BAZ2B: variants seen among roughly 807,000 people sequenced by gnomAD.
BAZ2B encodes bromodomain adjacent to zinc finger domain protein 2B.
In BAZ2B, 91 loss-of-function variants were observed where a neutral mutation model predicts 246.0. The observed-to-expected ratio is 0.37, with a 90% CI of 0.31 to 0.44. BAZ2B has a LOEUF of 0.44. Among genes scored for constraint, BAZ2B ranks in the 20% least tolerant of loss-of-function variants. BAZ2B has a pLI of 1.00. For missense variants in BAZ2B, 2,332 were observed against 2,533.7 expected, an observed-to-expected ratio of 0.92 and a Z score of 1.71; for synonymous variants, 855 against 860.0, an observed-to-expected ratio of 0.99 and a Z score of 0.10.
At chr2:159,621,755 T>G in the BAZ2B span, among the ~76,000 whole-genome samples, 1 of 152,152 alleles carries the variant, frequency 6.6e-6, no homozygotes, top group Non-Finnish European at 1.5e-5. Context: ...GAGGACTGTT[T>G]GAGCTTGGGA....
intron 1 of BAZ2B, among the ~76,000 whole-genome samples, chr2:159,605,062 A>T (rs1041888025): frequency 6.6e-6 from 1 of 151,902 alleles, no homozygotes; most frequent in African/African-American, 2.4e-5. Flanking sequence ...CAGAGACAGG[A>T]TCTCACTCTG....
chr2:159,665,725 G>A, the BAZ2B span, among the ~76,000 whole-genome samples: 104 of 150,904 alleles, frequency 6.9e-4, no homozygotes, highest in African/African-American at 2.0e-3. Flanking sequence ...AGATTTAAAC[G>A]TTAGACCTAA....
upstream of BAZ2B, chr2:159,616,735 T>G (rs1244548787): frequency 1.3e-5 from 2 of 152,218 alleles, no homozygotes; most frequent in Non-Finnish European, 2.9e-5. Context: ...GCTTTGAGTT[T>G]GCACCGTTCC....
chr2:159,401,585 T>C (rs1190088711), intron 16 of BAZ2B, among the ~76,000 whole-genome samples: 2 of 152,192 alleles, frequency 1.3e-5, no homozygotes, highest in Non-Finnish European at 2.9e-5. Flanking sequence ...AAATAACCTG[T>C]AACATTATTT....
intron 3 of BAZ2B, chr2:159,462,636 C>A (rs1342464904): frequency 2.1e-6 from 2 of 946,608 alleles, no homozygotes; most frequent in Non-Finnish European, 3.5e-6. Context: ...TTATGACTAA[C>A]CAACTGAACA....
chr2:159,395,934 T>A, intron 19 of BAZ2B, 100 bp from the exon 20 acceptor site: 1 of 951,564 alleles, frequency 1.1e-6, no homozygotes. Context: ...AAACTCAGTA[T>A]AGCATGTTTA....
the BAZ2B span, among the ~76,000 whole-genome samples, chr2:159,681,900 G>C: frequency 2.0e-5 from 3 of 152,006 alleles, no homozygotes; most frequent in African/African-American, 7.2e-5. Context: ...ACTCCTGCCT[G>C]GGCAACAGAG....
chr2:159,391,773 C>A (rs1399533899), intron 20 of BAZ2B, among the ~76,000 whole-genome samples: 5 of 73,598 alleles, frequency 6.8e-5, no homozygotes, highest in Non-Finnish European at 2.1e-4. Flanking sequence ...ATGCAAAAGT[C>A]ATATCGATAT....
chr2:159,432,369 T>C (rs2071297040), intron 9 of BAZ2B, among the ~76,000 whole-genome samples: 1 of 125,162 alleles, frequency 8.0e-6, no homozygotes, highest in African/African-American at 2.6e-5. Context: ...AGGTTTTTGG[T>C]ACTTTCTGAA....
At chr2:159,605,626 G>T (rs1428506946) in intron 1 of BAZ2B, among the ~76,000 whole-genome samples, 4 of 151,742 alleles carry the variant, frequency 2.6e-5, no homozygotes, top group Admixed American at 1.3e-4. Flanking sequence ...GCCCAGTGGT[G>T]CATGCCTGTA....
chr2:159,549,230 G>A (rs932899867), intron 2 of BAZ2B, among the ~76,000 whole-genome samples: 18 of 152,248 alleles, frequency 1.2e-4, no homozygotes, highest in Middle Eastern at 3.4e-3. Flanking sequence ...GCAGTGAGCC[G>A]AGATTGCACC....
rs534900889 is a variant in BAZ2B at position 159,534,458 on chromosome 2, A to G, written c.-3+21365T>C. Among the ~76,000 whole-genome samples the G allele has an allele frequency of 7.9e-5, 12 of 152,340 alleles. No homozygotes were observed. The East Asian group carries it at 1.5e-3, about 20-fold the overall frequency. ...AAATAGGCCTGAAATGTGAATATGA[A>G]AAGTATTTGTATAGGTAAACATATC... On this transcript the variant is annotated intron_variant, in intron 2 of 36. Coordinates refer to ENST00000392783, the MANE Select transcript of BAZ2B (RefSeq NM_013450.4).
chr2:159,589,214 T>A (rs1578687585), intron 1 of BAZ2B, among the ~76,000 whole-genome samples: 1 of 152,036 alleles, frequency 6.6e-6, no homozygotes, highest in East Asian at 1.9e-4. Context: ...GCAGGAAGAG[T>A]GTGAATTCCA....
intron 2 of BAZ2B, among the ~76,000 whole-genome samples, chr2:159,554,619 CATAA>C (rs1397752834): frequency 2.6e-5 from 4 of 151,158 alleles, no homozygotes; most frequent in East Asian, 1.9e-4. Flanking sequence ...AAAGATTGAA[CATAA>C]ATAAAAACAT....
At chr2:159,389,527 A>C (rs376560767) in intron 20 of BAZ2B, 42 bp from the exon 21 acceptor site, 74 of 1,479,578 alleles carry the variant, frequency 5.0e-5, no homozygotes, top group Non-Finnish European at 6.2e-5. Flanking sequence ...CTTAATCATT[A>C]TATATGTTGG....
At chr2:159,438,234 T>C in intron 8 of BAZ2B, 69 bp downstream of exon 8, 1 of 1,367,800 alleles carries the variant, frequency 7.3e-7, no homozygotes, top group Non-Finnish European at 1.0e-6. Flanking sequence ...ACTTGTGTAT[T>C]GTAAGACAAT....
At chr2:159,399,476 G>C (rs1044114538) in intron 17 of BAZ2B, among the ~76,000 whole-genome samples, 1 of 146,584 alleles carries the variant, frequency 6.8e-6, no homozygotes, top group Non-Finnish European at 1.5e-5. Flanking sequence ...AAGTTCAAGT[G>C]TTTTTTTTTT....
At position 159,398,901 on chromosome 2, in the gene BAZ2B, A is replaced by G. The variant is rs777251373; in HGVS notation, c.2899-7T>C. 1.9e-6 allele frequency: 3 copies of G among 1,608,398 alleles called. No homozygotes were observed. Among genetic ancestry groups the G allele is most frequent in the Admixed American group, 3.3e-5 (2 of 59,920 alleles). On this transcript the variant is annotated splice_polypyrimidine_tract_variant and splice_region_variant and intron_variant, in intron 17 of 36. Transcript: ENST00000392783. ...CCTTCTTTTTCTTTTTAGCCTGTGC[A>G]TGCAAAACAGGTCTCAAAGTCATGC...
the BAZ2B span, among the ~76,000 whole-genome samples, chr2:159,686,564 A>G: frequency 5.3e-5 from 8 of 152,208 alleles, no homozygotes; most frequent in African/African-American, 1.9e-4. Flanking sequence ...AGATGTAGCA[A>G]CTAAATGCAA....
Sources: gnomAD v4.1 joint callset for allele counts (sites outside exome capture counted in the v4.1 genomes callset) on GRCh38, gnomAD v4.1.1 for gene constraint, MANE v1.5 for transcripts, NCBI Gene and HGNC (gene_info 2026-07-23, HGNC 2026-07-21) for gene names.